DLGAP1: variants seen among roughly 807,000 people sequenced by gnomAD.
DLGAP1 encodes the protein disks large-associated protein 1.
In DLGAP1, 11 loss-of-function variants were observed where a neutral mutation model predicts 90.8. That is an observed-to-expected ratio of 0.12 (90% CI 0.08 to 0.20). The LOEUF (loss-of-function observed/expected upper bound fraction) is 0.20, where lower values mean the gene tolerates loss of function less well. Among genes scored for constraint, DLGAP1 ranks in the 10% least tolerant of loss-of-function variants. DLGAP1 has a pLI of 1.00. For synonymous variants in DLGAP1, 558 were observed against 540.7 expected, an observed-to-expected ratio of 1.03 and a Z score of -0.44; for missense variants, 1,050 against 1,333.8, an observed-to-expected ratio of 0.79 and a Z score of 3.31.
At chr18:3,965,809 G>A (rs924540386) in intron 3 of DLGAP1, among the ~76,000 whole-genome samples, 2 of 151,684 alleles carry the variant, frequency 1.3e-5, no homozygotes, top group African/African-American at 4.8e-5. Context: ...TTATCCAGGC[G>A]TGATGGCATG....
chr18:3,693,202 C>T (rs190200210), intron 7 of DLGAP1, among the ~76,000 whole-genome samples: 2 of 152,246 alleles, frequency 1.3e-5, no homozygotes, highest in East Asian at 1.9e-4. Context: ...CCTGCCTCAG[C>T]GTCTTGAATA....
intron 2 of DLGAP1, among the ~76,000 whole-genome samples, chr18:4,034,655 G>A (rs2074858852): frequency 2.6e-5 from 4 of 151,978 alleles, no homozygotes; most frequent in Admixed American, 2.0e-4. Flanking sequence ...GGAAAAACAG[G>A]CCTCACTTCA....
intron 1 of DLGAP1, among the ~76,000 whole-genome samples, chr18:4,414,869 T>C (rs1056374815): frequency 2.0e-5 from 3 of 152,230 alleles, no homozygotes; most frequent in Non-Finnish European, 4.4e-5. Context: ...ATTCTGACTT[T>C]GCCAATTACT....
intron 6 of DLGAP1, among the ~76,000 whole-genome samples, chr18:3,740,456 C>T (rs1489891232): frequency 6.6e-6 from 1 of 152,086 alleles, no homozygotes; most frequent in African/African-American, 2.4e-5. Context: ...GCACTGAAAT[C>T]CCACATGACA....
intron 2 of DLGAP1, among the ~76,000 whole-genome samples, chr18:4,102,746 A>G (rs1430352260): frequency 6.6e-6 from 1 of 151,912 alleles, no homozygotes; most frequent in Non-Finnish European, 1.5e-5. Flanking sequence ...TCACACTGAC[A>G]TAGTTTTTTT....
At chr18:3,560,885 C>T (rs948877169) in intron 9 of DLGAP1, among the ~76,000 whole-genome samples, 6 of 150,516 alleles carry the variant, frequency 4.0e-5, no homozygotes, top group Admixed American at 2.0e-4. Flanking sequence ...AGTGGTTACC[C>T]TAGAGTTTGC....
intron 3 of DLGAP1, among the ~76,000 whole-genome samples, chr18:3,957,894 CTTT>C (rs1290209868): frequency 1.4e-5 from 2 of 139,238 alleles, no homozygotes. Context: ...CTATTCCATA[CTTT>C]TTTTTTTTTT....
At chr18:3,849,973 C>A (rs184505293) in intron 4 of DLGAP1, among the ~76,000 whole-genome samples, 1 of 152,216 alleles carries the variant, frequency 6.6e-6, no homozygotes, top group East Asian at 1.9e-4. Context: ...ATAAATCTGA[C>A]CTTTCTATAT....
chr18:4,219,027 G>GTTTTTTTTTTTTT (rs34333673), intron 1 of DLGAP1, among the ~76,000 whole-genome samples: 3 of 92,016 alleles, frequency 3.3e-5, no homozygotes, highest in African/African-American at 1.3e-4. Context: ...TTCTATCTTT[G>GTTTTTTTTTTTTT]TTTTTTTTTT....
chr18:4,293,377 T>G (rs2079897163), intron 1 of DLGAP1: 1 of 152,234 alleles, frequency 6.6e-6, no homozygotes, highest in Non-Finnish European at 1.5e-5. Flanking sequence ...GTTTATGTGA[T>G]TAATTCAATG....
chr18:4,076,768 T>G (rs2075529914), intron 2 of DLGAP1, among the ~76,000 whole-genome samples: 2 of 151,944 alleles, frequency 1.3e-5, no homozygotes. Context: ...GGATTACAGG[T>G]GCATACCACC....
chr18:4,293,431 T>G (rs1039350459), intron 1 of DLGAP1: 3 of 152,250 alleles, frequency 2.0e-5, no homozygotes, highest in African/African-American at 7.2e-5. Flanking sequence ...ATAAGAACAT[T>G]GCTTTTTGCA....
chr18:4,430,337 C>T (rs1244044779), intron 1 of DLGAP1, among the ~76,000 whole-genome samples: 1 of 151,924 alleles, frequency 6.6e-6, no homozygotes, highest in Non-Finnish European at 1.5e-5. Context: ...ATTCACTTCC[C>T]CCAAATTAAA....
At chr18:4,140,723 G>T (rs190437335) in intron 2 of DLGAP1, among the ~76,000 whole-genome samples, 4 of 152,014 alleles carry the variant, frequency 2.6e-5, no homozygotes, top group Admixed American at 1.3e-4. Context: ...TGTAAGACAG[G>T]TCTGGTGATA....
intron 3 of DLGAP1, among the ~76,000 whole-genome samples, chr18:3,947,336 G>A (rs970158423): frequency 1.3e-5 from 2 of 152,186 alleles, no homozygotes; most frequent in African/African-American, 4.8e-5. Flanking sequence ...TCATGGTGCT[G>A]ACACTAGGCT....
At chr18:3,741,299 CCACAT>C (rs1431416066) in intron 6 of DLGAP1, among the ~76,000 whole-genome samples, 6 of 129,894 alleles carry the variant, frequency 4.6e-5, no homozygotes, top group Non-Finnish European at 8.2e-5. Flanking sequence ...ACCACCACCA[CCACAT>C]CACATCACCA....
At chr18:4,433,185 G>T (rs543228917) in intron 1 of DLGAP1, among the ~76,000 whole-genome samples, 2 of 152,248 alleles carry the variant, frequency 1.3e-5, no homozygotes, top group East Asian at 3.9e-4. Context: ...TCCTAATCAT[G>T]GCCTCACATT....
At chr18:4,387,923 T>TCTCTCA (rs766869482) in intron 1 of DLGAP1, among the ~76,000 whole-genome samples, 2 of 33,668 alleles carry the variant, frequency 5.9e-5, no homozygotes, top group Admixed American at 5.4e-4. Flanking sequence ...AGAGACTCCA[T>TCTCTCA]CACACATACA....
intron 4 of DLGAP1, among the ~76,000 whole-genome samples, chr18:3,867,376 T>A (rs1299713447): frequency 6.6e-6 from 1 of 151,800 alleles, no homozygotes; most frequent in Admixed American, 6.6e-5. Context: ...ATAAAATAGC[T>A]GCACAAAAGG....
Sources: gnomAD v4.1 joint callset for allele counts (sites outside exome capture counted in the v4.1 genomes callset) on GRCh38, gnomAD v4.1.1 for gene constraint, MANE v1.5 for transcripts, NCBI Gene and HGNC (gene_info 2026-07-23, HGNC 2026-07-21) for gene names.